CAMTA1: variants seen among roughly 807,000 people sequenced by gnomAD.
CAMTA1 encodes the protein calmodulin-binding transcription activator 1.
CAMTA1 carries 27 observed loss-of-function variants against 170.9 expected under a neutral mutation model. The ratio of observed to expected loss-of-function variants is 0.16; its 90% CI spans 0.12 to 0.22. The LOEUF is 0.22. CAMTA1 is among the 10% of genes least tolerant of loss of function. The pLI, the probability that CAMTA1 is intolerant of heterozygous loss-of-function variation, is 1.00. For synonymous variants in CAMTA1, 833 were observed against 891.5 expected, an observed-to-expected ratio of 0.93 and a Z score of 1.17; for missense variants, 1,619 against 2,217.2, an observed-to-expected ratio of 0.73 and a Z score of 5.42.
intron 5 of CAMTA1, among the ~76,000 whole-genome samples, chr1:7,439,854 C>T (rs1483591383): frequency 6.6e-6 from 1 of 152,228 alleles, no homozygotes; most frequent in Non-Finnish European, 1.5e-5. Context: ...GTCCAAGGTG[C>T]GGAGTGTCGG....
Position 7,665,106 on chromosome 1 carries a change from G to T in CAMTA1, c.2559G>T (p.Ser853=). 6.5e-7 allele frequency: 1 copy of T among 1,531,216 alleles called. No individual in the cohort carries two copies. The highest frequency in any genetic ancestry group is 8.8e-7 in the Non-Finnish European group (1 of 1,141,888). The allele number at this position is 1,531,216 out of a possible 1,614,324, so 94.9% of individuals were successfully genotyped here. The change falls in exon 9 of 23, where the codon TCG becomes TCT. Residue 853 remains serine, a synonymous_variant. Coordinates refer to ENST00000303635, the MANE Select transcript of CAMTA1 (RefSeq NM_015215.4). This position sits in a 1 kb window ranked among gnomAD's most constrained non-coding sequence, Gnocchi z 4.3. Reference sequence around the variant, plus strand: ...ACATGCACGTCGCCGAGGTGGTCTCGGCCGCCTCGGCCCAGGGCACCCTAG... The same window carrying T: ...ACATGCACGTCGCCGAGGTGGTCTCTGCCGCCTCGGCCCAGGGCACCCTAG... ...MAYMHVAEVV[S]AASAQGTLGM... is the part of the protein sequence containing the mutation.
chr1:7,167,286 T>C (rs926758029), intron 4 of CAMTA1, among the ~76,000 whole-genome samples: 5 of 152,184 alleles, frequency 3.3e-5, no homozygotes, highest in African/African-American at 9.7e-5. Flanking sequence ...TCTCCTTTTT[T>C]TCCGTGTTGG....
intron 5 of CAMTA1, chr1:7,389,710 G>A (rs1171935734): frequency 1.3e-5 from 2 of 152,584 alleles, no homozygotes; most frequent in African/African-American, 2.4e-5. Flanking sequence ...TTCTCTAGGA[G>A]GTGACTAAAG....
intron 6 of CAMTA1, among the ~76,000 whole-genome samples, chr1:7,530,819 T>G (rs966780256): frequency 6.8e-6 from 1 of 146,874 alleles, no homozygotes; most frequent in East Asian, 2.0e-4. Context: ...CTTGTTTTTT[T>G]TTTTTTTTTT....
At chr1:7,606,492 T>C (rs2095487783) in intron 6 of CAMTA1, among the ~76,000 whole-genome samples, 1 of 152,132 alleles carries the variant, frequency 6.6e-6, no homozygotes, top group East Asian at 1.9e-4. Context: ...GCTGTATCTG[T>C]TTTCATTTTA....
chr1:7,657,973 G>C (rs1349075470), intron 7 of CAMTA1, among the ~76,000 whole-genome samples: 1 of 152,218 alleles, frequency 6.6e-6, no homozygotes, highest in African/African-American at 2.4e-5. Context: ...GACTGGAGGA[G>C]AAACCTGGCC....
intron 5 of CAMTA1, among the ~76,000 whole-genome samples, chr1:7,317,646 C>G (rs985970803): frequency 6.6e-6 from 1 of 152,206 alleles, no homozygotes; most frequent in African/African-American, 2.4e-5. Flanking sequence ...ATGGCACAGG[C>G]CTGGAAGCGG....
chr1:6,945,243 A>G (rs970524361), intron 3 of CAMTA1, among the ~76,000 whole-genome samples: 3 of 152,222 alleles, frequency 2.0e-5, no homozygotes, highest in African/African-American at 2.4e-5. Flanking sequence ...CCATGGATTT[A>G]GTGTATTCAG....
chr1:7,355,277 G>C (rs1036496414), intron 5 of CAMTA1, among the ~76,000 whole-genome samples: 1 of 87,752 alleles, frequency 1.1e-5, no homozygotes, highest in Admixed American at 1.4e-4. Flanking sequence ...CCAGCTACTC[G>C]GGAGGCTGAG....
chr1:7,593,606 C>T (rs1374814629), intron 6 of CAMTA1, among the ~76,000 whole-genome samples: 4 of 151,424 alleles, frequency 2.6e-5, no homozygotes, highest in Admixed American at 2.6e-4. Context: ...TCTCCTGCCT[C>T]AGCCTCCTGA....
intron 4 of CAMTA1, among the ~76,000 whole-genome samples, chr1:7,223,381 C>T (rs775111078): frequency 4.0e-5 from 6 of 151,620 alleles, no homozygotes; most frequent in African/African-American, 1.2e-4. Flanking sequence ...TGTATGCATG[C>T]GTGTGTGTAT....
At chr1:7,686,629 T>C (rs1372599461) in intron 11 of CAMTA1, among the ~76,000 whole-genome samples, 2 of 151,782 alleles carry the variant, frequency 1.3e-5, no homozygotes, top group Non-Finnish European at 2.9e-5. Flanking sequence ...GGGAGGGGCG[T>C]TGCCACACAC....
intron 5 of CAMTA1, among the ~76,000 whole-genome samples, chr1:7,292,734 C>G (rs370139272): frequency 2.6e-5 from 4 of 152,172 alleles, no homozygotes; most frequent in African/African-American, 9.7e-5. Context: ...TCCTTGCATG[C>G]GTTTCTGCAC....
chr1:6,974,338 A>C (rs1421282296), intron 3 of CAMTA1, among the ~76,000 whole-genome samples: 1 of 152,218 alleles, frequency 6.6e-6, no homozygotes, highest in Non-Finnish European at 1.5e-5. Context: ...TCTATTTTTA[A>C]AAACACTTGG....
At chr1:7,166,081 T>A (rs1648358219) in intron 4 of CAMTA1, among the ~76,000 whole-genome samples, 1 of 152,108 alleles carries the variant, frequency 6.6e-6, no homozygotes. Context: ...CTCTTTTTTT[T>A]TTTGAGATGG....
In CAMTA1 at chr1:7,087,117, G is replaced by A. The variant is rs542319675; in HGVS notation, c.235-4187G>A. On this transcript the variant is annotated intron_variant, in intron 3 of 22. Coordinates refer to ENST00000303635, the MANE Select transcript of CAMTA1 (RefSeq NM_015215.4). ...TTCCTCTGTCAAGAGAGATAGACCAGACCTGTGTTTTCATCTGCCGCCTTT... is the reference window on the plus strand; with the variant it reads ...TTCCTCTGTCAAGAGAGATAGACCAAACCTGTGTTTTCATCTGCCGCCTTT... 1.8e-4 allele frequency among the ~76,000 whole-genome samples: 27 copies of A among 152,332 alleles called. 2 individuals carry two copies. The South Asian group carries it at 5.4e-3, about 30-fold the overall frequency.
intron 3 of CAMTA1, among the ~76,000 whole-genome samples, chr1:6,941,799 G>C (rs1475254236): frequency 6.6e-6 from 1 of 152,240 alleles, no homozygotes; most frequent in Non-Finnish European, 1.5e-5. Context: ...TTCTGCTCCT[G>C]TGCCCAGCCA....
intron 5 of CAMTA1, among the ~76,000 whole-genome samples, chr1:7,407,786 A>G (rs1023101409): frequency 7.2e-5 from 11 of 152,108 alleles, no homozygotes; most frequent in Non-Finnish European, 7.4e-5. Flanking sequence ...GCCAAGGTCC[A>G]GGCATGGATG....
intron 2 of CAMTA1, among the ~76,000 whole-genome samples, chr1:6,821,547 C>G (rs1646484932): frequency 6.6e-6 from 1 of 152,094 alleles, no homozygotes; most frequent in Admixed American, 6.6e-5. Flanking sequence ...ATTTGATACA[C>G]TGTTATACCA....
Sources: gnomAD v4.1 joint callset for allele counts (sites outside exome capture counted in the v4.1 genomes callset) on GRCh38, gnomAD v4.1.1 for gene constraint, Gnocchi (gnomAD v3.1) non-coding constraint, MANE v1.5 for transcripts, NCBI Gene and HGNC (gene_info 2026-07-23, HGNC 2026-07-21) for gene names.